ZFHX3: variants seen among roughly 807,000 people sequenced by gnomAD.
The protein encoded by ZFHX3 is zinc finger homeobox protein 3.
In ZFHX3, 42 loss-of-function variants were observed where a neutral mutation model predicts 279.1. The ratio of observed to expected loss-of-function variants is 0.15; its 90% CI spans 0.12 to 0.19. The LOEUF (loss-of-function observed/expected upper bound fraction) is 0.19, where lower values mean the gene tolerates loss of function less well. Among genes scored for constraint, ZFHX3 ranks in the 10% least tolerant of loss-of-function variants. The pLI is 1.00. For synonymous variants in ZFHX3, 2,293 were observed against 1,957.8 expected (o/e 1.17, Z -4.52); for missense variants, 4,981 against 4,754.0 (o/e 1.05, Z -1.40).
intron 2 of ZFHX3, among the ~76,000 whole-genome samples, chr16:73,649,822 G>C (rs889549284): frequency 3.3e-5 from 5 of 152,168 alleles, no homozygotes; most frequent in Admixed American, 2.6e-4. Context: ...TAATTCATAA[G>C]AGTCCAAAGG....
chr16:73,770,982 G>T (rs2054011614), intron 1 of ZFHX3, among the ~76,000 whole-genome samples: 1 of 152,178 alleles, frequency 6.6e-6, no homozygotes, highest in Non-Finnish European at 1.5e-5. Flanking sequence ...TCAGGAGTCT[G>T]GTCTAGCTCC....
At chr16:73,411,460 G>T (rs866094948) in intron 3 of ZFHX3, among the ~76,000 whole-genome samples, 44 of 152,112 alleles carry the variant, frequency 2.9e-4, no homozygotes, top group Middle Eastern at 6.8e-3. Context: ...GCCATCAAAT[G>T]GGAATATATG....
At chr16:73,309,898 T>A (rs545759934) in intron 4 of ZFHX3, among the ~76,000 whole-genome samples, 70 of 127,822 alleles carry the variant, frequency 5.5e-4, no homozygotes, top group African/African-American at 1.9e-3. Context: ...GGACTCGTTT[T>A]TTCTTGCCTT....
intron 7 of ZFHX3, among the ~76,000 whole-genome samples, chr16:73,108,370 G>T (rs962711973): frequency 4.0e-5 from 6 of 151,772 alleles, no homozygotes; most frequent in Non-Finnish European, 8.8e-5. Context: ...TGATGATGAT[G>T]AGGAGGAGGA....
chr16:73,014,766 C>T (rs761029666), intron 1 of ZFHX3, among the ~76,000 whole-genome samples: 1 of 151,952 alleles, frequency 6.6e-6, no homozygotes, highest in African/African-American at 2.4e-5. Flanking sequence ...CCTGCCTCGG[C>T]CTCCCAAAGT....
intron 1 of ZFHX3, among the ~76,000 whole-genome samples, chr16:73,740,166 A>C (rs1018035451): frequency 1.3e-5 from 2 of 152,154 alleles, no homozygotes; most frequent in African/African-American, 4.8e-5. Flanking sequence ...AACTTTGGTA[A>C]TGTAATATTG....
At chr16:73,542,479 A>T (rs1006142466) in intron 2 of ZFHX3, among the ~76,000 whole-genome samples, 1 of 152,018 alleles carries the variant, frequency 6.6e-6, no homozygotes, top group Non-Finnish European at 1.5e-5. Context: ...GAATGAGATG[A>T]CTCTTAACAG....
At chr16:73,099,314 AAAT>A (rs1427615376) in intron 7 of ZFHX3, 3 of 152,196 alleles carry the variant, frequency 2.0e-5, no homozygotes, top group African/African-American at 7.2e-5. Flanking sequence ...TGCCACCCTA[AAAT>A]AATACTTTAC....
chr16:72,950,792 T>A lies in ZFHX3; in HGVS notation c.2893A>T (p.Met965Leu), dbSNP rs762777590. Residue 965 changes from methionine to leucine, a missense_variant, in exon 3 of 10, where the codon ATG (methionine) becomes TTG (leucine). By Grantham distance (15) the Met-to-Leu change is conservative. Coordinates refer to ENST00000268489, the MANE Select transcript of ZFHX3 (RefSeq NM_006885.4). Reference protein sequence around the residue: ...TDNLDMLGLHMNVERSLSEDE... With the variant: ...TDNLDMLGLHLNVERSLSEDE... ...TCCGACAGGCTGCGCTCCACGTTCA[T>A]GTGCAGGCCCAGCATGTCCAGGTTG... is the stretch of plus-strand genomic sequence containing the variant. 3 of 1,614,224 alleles carry A rather than the reference T, an allele frequency of 1.9e-6. No homozygotes were observed. Among genetic ancestry groups the A allele is most frequent in the Non-Finnish European group, 2.5e-6 (3 of 1,180,040 alleles).
chr16:72,832,590 A>G (rs1420147373), intron 4 of ZFHX3, among the ~76,000 whole-genome samples: 2 of 152,240 alleles, frequency 1.3e-5, no homozygotes, highest in African/African-American at 4.8e-5. Flanking sequence ...TATGCGTGGT[A>G]GAAGAAGAAA....
intron 2 of ZFHX3, among the ~76,000 whole-genome samples, chr16:73,493,946 A>T (rs2019094361): frequency 6.6e-6 from 1 of 152,134 alleles, no homozygotes; most frequent in Non-Finnish European, 1.5e-5. Context: ...TGAAGAAGCC[A>T]TGTGGCTTTT....
At chr16:73,645,342 C>T (rs779256186) in intron 2 of ZFHX3, among the ~76,000 whole-genome samples, 4 of 152,174 alleles carry the variant, frequency 2.6e-5, no homozygotes, top group Non-Finnish European at 4.4e-5. Context: ...CTGCAAGCTC[C>T]ACCACCCGGG....
chr16:73,810,610 A>C (rs951860241), intron 1 of ZFHX3, among the ~76,000 whole-genome samples: 2 of 152,192 alleles, frequency 1.3e-5, no homozygotes, highest in African/African-American at 2.4e-5. Context: ...ATGCAACCCT[A>C]TAAATTATGG....
chr16:73,583,837 T>C (rs887908005), intron 2 of ZFHX3, among the ~76,000 whole-genome samples: 5 of 152,040 alleles, frequency 3.3e-5, no homozygotes, highest in Admixed American at 1.3e-4. Context: ...TCTAGTAAAA[T>C]TGGACAGATT....
At chr16:73,441,566 T>C (rs574446582) in intron 3 of ZFHX3, among the ~76,000 whole-genome samples, 30 of 152,162 alleles carry the variant, frequency 2.0e-4, no homozygotes, top group Non-Finnish European at 2.9e-5. Context: ...GTAATAATGA[T>C]TCACAAGCAA....
At chr16:73,642,155 A>G (rs928752564) in intron 2 of ZFHX3, among the ~76,000 whole-genome samples, 23 of 152,178 alleles carry the variant, frequency 1.5e-4, no homozygotes, top group African/African-American at 5.1e-4. Flanking sequence ...GTCTCTCGTG[A>G]AAGCAGCTCT....
intron 1 of ZFHX3, among the ~76,000 whole-genome samples, chr16:73,777,768 T>G (rs1201670857): frequency 6.6e-6 from 1 of 152,166 alleles, no homozygotes; most frequent in Admixed American, 6.5e-5. Flanking sequence ...ACATGTTATC[T>G]CCATTTTGCA....
intron 3 of ZFHX3, among the ~76,000 whole-genome samples, chr16:73,388,390 T>C (rs1322719278): frequency 6.6e-6 from 1 of 152,206 alleles, no homozygotes; most frequent in Non-Finnish European, 1.5e-5. Context: ...TCCAAGAAAG[T>C]ACGTTGACCC....
chr16:73,805,249 A>T (rs1960247800), intron 1 of ZFHX3, among the ~76,000 whole-genome samples: 1 of 151,708 alleles, frequency 6.6e-6, no homozygotes, highest in South Asian at 2.1e-4. Context: ...GCTCACTGTA[A>T]CCTCCGCCTC....
Sources: gnomAD v4.1 joint callset for allele counts (sites outside exome capture counted in the v4.1 genomes callset) on GRCh38, gnomAD v4.1.1 for gene constraint, MANE v1.5 for transcripts, NCBI Gene and HGNC (gene_info 2026-07-23, HGNC 2026-07-21) for gene names.